The following ACOT11 variants were observed in gnomAD, a reference collection of about 807,000 sequenced individuals.
ACOT11 encodes acyl-coenzyme A thioesterase 11.
A neutral mutation model predicts 77.5 loss-of-function variants in ACOT11; 69 were observed. The observed-to-expected ratio is 0.89, with a 90% confidence interval of 0.73 to 1.09. The LOEUF (loss-of-function observed/expected upper bound fraction) is 1.09. Among genes scored for constraint, ACOT11 ranks in the 50% least tolerant of loss-of-function variants. ACOT11 has a pLI of 0.00. For synonymous variants in ACOT11, 279 were observed against 313.0 expected (o/e 0.89, Z 1.15); for missense variants, 766 against 813.7 (o/e 0.94, Z 0.71).
Position 54,629,273 on chromosome 1 carries a change from A to G in ACOT11, c.1630-1461A>G, listed in dbSNP as rs544241701. Among the ~76,000 whole-genome samples, 17 of 132,388 alleles carry G rather than the reference A, an allele frequency of 1.3e-4. 6 individuals are homozygous for G. In the East Asian group the frequency reaches 3.5e-3, roughly 28 times the overall value. 86.9% of individuals were successfully genotyped at this position (132,388 alleles called of 152,430 possible). The stretch of plus-strand genomic sequence containing the variant: ...ATACAAACTTATCAAAAGTAAAATA[A>G]CATGGTTTTTTTCTTTTTTGTTTTT... On this transcript the variant is annotated intron_variant, in intron 15 of 16. Transcript: ENST00000371316.
intron 1 of ACOT11, among the ~76,000 whole-genome samples, chr1:54,562,556 A>C (rs1194238915): frequency 1.1e-3 from 127 of 110,604 alleles, no homozygotes; most frequent in Middle Eastern, 4.5e-3. Flanking sequence ...CCCACCCCCC[A>C]CCTCCCTCCC....
chr1:54,590,294 G>A (rs1225440300), intron 3 of ACOT11, among the ~76,000 whole-genome samples: 1 of 152,066 alleles, frequency 6.6e-6, no homozygotes, highest in Non-Finnish European at 1.5e-5. Flanking sequence ...GTAAATTGGT[G>A]TAGGGAAGGT....
chr1:54,559,704 A>C (rs1653398886), intron 1 of ACOT11, among the ~76,000 whole-genome samples: 1 of 152,134 alleles, frequency 6.6e-6, no homozygotes, highest in Non-Finnish European at 1.5e-5. Context: ...AGGACCTACT[A>C]AGTGTCGGGC....
intron 6 of ACOT11, 58 bp from the exon 7 acceptor site, chr1:54,597,201 C>A: frequency 6.3e-7 from 1 of 1,597,470 alleles, no homozygotes; most frequent in Non-Finnish European, 8.5e-7. Flanking sequence ...TGGGGAGGGG[C>A]TGCCCTTGGG....
intron 1 of ACOT11, among the ~76,000 whole-genome samples, chr1:54,550,153 G>T (rs1255636803): frequency 6.6e-6 from 1 of 152,178 alleles, no homozygotes; most frequent in Non-Finnish European, 1.5e-5. Flanking sequence ...CCAGCAGTTT[G>T]GCCCCAGAGT....
chr1:54,630,884 G>A (rs199528592), exon 16 of ACOT11: 44 of 736,656 alleles, frequency 6.0e-5, no homozygotes, highest in African/African-American at 5.6e-4. Flanking sequence ...AGCAATCCCC[G>A]TGGTGAGTAA....
Position 54,579,549 on chromosome 1 carries a change from G to A in ACOT11, c.34-5106G>A, listed in dbSNP as rs140343093. ...TTTCTCTGAGAGGCTGGGGGAGAGGGAAGGGGCTGGGGCCACCTTTGTGGG... is the reference window on the plus strand; with the variant it reads ...TTTCTCTGAGAGGCTGGGGGAGAGGAAAGGGGCTGGGGCCACCTTTGTGGG... On this transcript the variant is annotated intron_variant, in intron 1 of 15. Transcript: ENST00000343744. Among the ~76,000 whole-genome samples, 151 of 152,310 alleles carry A rather than the reference G, an allele frequency of 9.9e-4. 3 individuals are homozygous for A. In the East Asian group the frequency reaches 0.023, roughly 23 times the overall value.
At chr1:54,622,757 G>A (rs1027069945) in intron 15 of ACOT11, among the ~76,000 whole-genome samples, 5 of 147,692 alleles carry the variant, frequency 3.4e-5, no homozygotes, top group East Asian at 2.0e-4. Flanking sequence ...AATAGTTAAC[G>A]GGACTTTCTG....
At chr1:54,604,464 A>C in intron 12 of ACOT11, 35 bp downstream of exon 12, 61 of 1,599,832 alleles carry the variant, frequency 3.8e-5, no homozygotes, top group Non-Finnish European at 4.7e-5. Context: ...TTCCTTTCTC[A>C]TCTGAGCCAG....
At chr1:54,593,303 G>A (rs1025901717) in intron 4 of ACOT11, among the ~76,000 whole-genome samples, 5 of 151,294 alleles carry the variant, frequency 3.3e-5, no homozygotes, top group African/African-American at 4.9e-5. Context: ...TTGAGATGAG[G>A]TCTTACTCTG....
At chr1:54,634,111 A>G (rs917666690) in intron 16 of ACOT11, among the ~76,000 whole-genome samples, 4 of 152,180 alleles carry the variant, frequency 2.6e-5, no homozygotes, top group African/African-American at 9.7e-5. Context: ...ATCCTGGAAA[A>G]ATTACTGTCC....
chr1:54,606,344 A>G (rs908325159), intron 13 of ACOT11, among the ~76,000 whole-genome samples: 1 of 152,152 alleles, frequency 6.6e-6, no homozygotes, highest in African/African-American at 2.4e-5. Flanking sequence ...CCTGAGGGGA[A>G]AGAGAGCCCC....
Position 54,609,888 on chromosome 1 carries a change from T to A in ACOT11, c.*776T>A. 1 of 1,612,508 alleles carries A rather than the reference T, an allele frequency of 6.2e-7. No homozygotes were observed. The highest frequency in any genetic ancestry group is 8.5e-7 in the Non-Finnish European group (1 of 1,179,638). On this transcript the variant is annotated 3_prime_UTR_variant, in exon 16 of 16. Transcript: ENST00000343744. ...GGAGTATGAACAATGGGCACGGGGT[T>A]TTCAGCCACAGTTCCCTCGAGGCCA...
chr1:54,550,500 A>AAAGCAAAC (rs1235079733), intron 1 of ACOT11, among the ~76,000 whole-genome samples: 2 of 152,152 alleles, frequency 1.3e-5, no homozygotes, highest in African/African-American at 4.8e-5. Context: ...TTTTTAATGA[A>AAAGCAAAC]AAGCAAACAA....
At chr1:54,577,960 C>T (rs1018758673) in intron 1 of ACOT11, among the ~76,000 whole-genome samples, 1 of 152,208 alleles carries the variant, frequency 6.6e-6, no homozygotes, top group African/African-American at 2.4e-5. Context: ...TCTACATGTC[C>T]TTGGTTCCTT....
chr1:54,549,703 G>A (rs299870), intron 1 of ACOT11, among the ~76,000 whole-genome samples: 35,481 of 152,138 alleles, frequency 0.23, 5,167 homozygotes, highest in African/African-American at 0.42. Context: ...TACCCAGCAC[G>A]GGGACGGGTG....
At chr1:54,590,337 C>T (rs12077589) in intron 3 of ACOT11, among the ~76,000 whole-genome samples, 15,820 of 151,760 alleles carry the variant, frequency 0.1, 1,466 homozygotes, top group African/African-American at 0.24. Context: ...CATGGGGGGT[C>T]GCTTGTCTGC....
chr1:54,590,909 C>A (rs1180798269), intron 3 of ACOT11, among the ~76,000 whole-genome samples: 1 of 152,134 alleles, frequency 6.6e-6, no homozygotes, highest in Non-Finnish European at 1.5e-5. Context: ...TGTGCCCTAC[C>A]ATGCTCAGCT....
At position 54,609,093 on chromosome 1, in the gene ACOT11, C is replaced by G; in HGVS notation, c.1766C>G (p.Pro589Arg). The change falls in exon 16 of 16, where the codon CCC (proline) becomes CGC (arginine). Residue 589 changes from proline to arginine, a missense_variant. Physicochemically the swap from Pro to Arg is moderately radical, Grantham distance 103. Coordinates refer to ENST00000343744, the MANE Select transcript of ACOT11 (RefSeq NM_147161.4). ...FLLDNRNDLA[P>R]SLQTL ...TTGGACAACCGGAATGATCTGGCCCCCAGCCTCCAGACCCTCTAGATGCCC... is the reference window on the plus strand; with the variant it reads ...TTGGACAACCGGAATGATCTGGCCCGCAGCCTCCAGACCCTCTAGATGCCC... 2 of 1,614,138 alleles carry G rather than the reference C, an allele frequency of 1.2e-6. No individual in the cohort carries two copies. The highest frequency in any genetic ancestry group is 2.2e-5 in the South Asian group (2 of 91,084).
Sources: gnomAD v4.1 joint callset for allele counts (sites outside exome capture counted in the v4.1 genomes callset) on GRCh38, gnomAD v4.1.1 for gene constraint, MANE v1.5 for transcripts, NCBI Gene and HGNC (gene_info 2026-07-23, HGNC 2026-07-21) for gene names.